ADAMTSL3: variants seen among roughly 807,000 people sequenced by gnomAD.
The protein encoded by ADAMTSL3 is ADAMTS-like protein 3.
Under a neutral mutation model 201.7 loss-of-function variants are expected in ADAMTSL3, and 128 were observed. The ratio of observed to expected loss-of-function variants is 0.63; its 90% confidence interval spans 0.55 to 0.73. The LOEUF is 0.73. ADAMTSL3 is among the 30% of genes least tolerant of loss of function. The pLI is 0.00. For missense variants in ADAMTSL3, 1,990 were observed against 2,119.6 expected (o/e 0.94, Z 1.20); for synonymous variants, 738 against 748.4 (o/e 0.99, Z 0.23).
chr15:83,911,632 T>A (rs1429595290), intron 15 of ADAMTSL3, among the ~76,000 whole-genome samples: 2 of 152,314 alleles, frequency 1.3e-5, no homozygotes, highest in African/African-American at 4.8e-5. Flanking sequence ...TTCAACACAA[T>A]GAACAACATG....
chr15:83,720,223 TA>T (rs2062080495), intron 3 of ADAMTSL3, among the ~76,000 whole-genome samples: 1 of 152,018 alleles, frequency 6.6e-6, no homozygotes, highest in Non-Finnish European at 1.5e-5. Flanking sequence ...TGTCTCATTT[TA>T]AAAAATAAAT....
At chr15:83,850,619 C>T (rs1036415654) in intron 7 of ADAMTSL3, among the ~76,000 whole-genome samples, 1 of 152,000 alleles carries the variant, frequency 6.6e-6, no homozygotes, top group Non-Finnish European at 1.5e-5. Context: ...TTTACATTTG[C>T]TGTCTCTAAT....
intron 15 of ADAMTSL3, among the ~76,000 whole-genome samples, chr15:83,912,272 T>C (rs1197122036): frequency 6.6e-6 from 1 of 152,164 alleles, no homozygotes; most frequent in African/African-American, 2.4e-5. Flanking sequence ...AGACAATAGG[T>C]GGAAAAATGA....
chr15:83,831,958 A>C lies in ADAMTSL3; in HGVS notation c.601-6131A>C, dbSNP rs372031609. Among the ~76,000 whole-genome samples the C allele has an allele frequency of 1.2e-4, 19 of 152,244 alleles. No individual in the cohort carries two copies. The East Asian group carries it at 2.7e-3, about 22-fold the overall frequency. ...TATTGACTGAGAGGTAGAAATATAC[A>C]ATGAATGCAGTGAAGTTCCTGGGCT... On this transcript the variant is annotated intron_variant, in intron 6 of 29. Transcript: ENST00000286744.
intron 2 of ADAMTSL3, among the ~76,000 whole-genome samples, chr15:83,695,070 T>G (rs911357302): frequency 7.3e-5 from 11 of 151,304 alleles, no homozygotes; most frequent in Non-Finnish European, 1.5e-4. Context: ...GGCGTGTGCA[T>G]GTATGTAGTG....
At chr15:83,990,971 A>G in intron 22 of ADAMTSL3, 115 bp from the exon 23 acceptor site, 1 of 1,458,434 alleles carries the variant, frequency 6.9e-7, no homozygotes, top group Non-Finnish European at 9.3e-7. Context: ...TACAGAGAGA[A>G]CCAGGACTCC....
At chr15:83,678,776 CAT>C (rs2061439265) in intron 2 of ADAMTSL3, among the ~76,000 whole-genome samples, 1 of 118,414 alleles carries the variant, frequency 8.4e-6, no homozygotes, top group Non-Finnish European at 1.7e-5. Context: ...ATATATATAA[CAT>C]TAATATATAT....
intron 4 of ADAMTSL3, among the ~76,000 whole-genome samples, chr15:83,787,045 C>G (rs1320079063): frequency 1.3e-5 from 2 of 152,170 alleles, no homozygotes; most frequent in African/African-American, 4.8e-5. Context: ...CAATGCTCTT[C>G]TTTCCGCCTA....
chr15:83,933,578 GC>G (rs2066401742), intron 17 of ADAMTSL3, among the ~76,000 whole-genome samples: 1 of 152,192 alleles, frequency 6.6e-6, no homozygotes, highest in Non-Finnish European at 1.5e-5. Flanking sequence ...AGAAATTCAA[GC>G]CTGCTGCAAA....
At chr15:83,958,200 A>G (rs899630185) in intron 19 of ADAMTSL3, among the ~76,000 whole-genome samples, 1 of 152,142 alleles carries the variant, frequency 6.6e-6, no homozygotes, top group Admixed American at 6.5e-5. Context: ...AAATGATCCT[A>G]CTCTGAGTAG....
intron 6 of ADAMTSL3, among the ~76,000 whole-genome samples, chr15:83,828,338 G>C (rs551967086): frequency 6.6e-6 from 1 of 152,136 alleles, no homozygotes; most frequent in Non-Finnish European, 1.5e-5. Context: ...GTCTGTTATT[G>C]GTGTATAAGA....
intron 2 of ADAMTSL3, among the ~76,000 whole-genome samples, chr15:83,671,045 G>GT (rs72107056): frequency 0.067 from 10,122 of 151,612 alleles, 578 homozygotes; most frequent in East Asian, 0.36. Context: ...ATGATATATT[G>GT]TTTTTTTTAA....
chr15:84,010,391 G>A (rs1232039441), intron 23 of ADAMTSL3, among the ~76,000 whole-genome samples: 2 of 152,268 alleles, frequency 1.3e-5, no homozygotes, highest in African/African-American at 4.8e-5. Flanking sequence ...TTTGCTGCTT[G>A]GAAGAGAGCA....
chr15:83,813,251 C>T (rs904250950), intron 5 of ADAMTSL3, among the ~76,000 whole-genome samples: 2 of 152,140 alleles, frequency 1.3e-5, no homozygotes, highest in African/African-American at 2.4e-5. Flanking sequence ...CTGAAAGAGA[C>T]GCAACTGAAG....
At chr15:83,763,491 C>A (rs1262014627) in intron 3 of ADAMTSL3, among the ~76,000 whole-genome samples, 3 of 150,848 alleles carry the variant, frequency 2.0e-5, no homozygotes, top group Admixed American at 6.6e-5. Flanking sequence ...TATATTTAAA[C>A]CTTAACAAAT....
intron 3 of ADAMTSL3, among the ~76,000 whole-genome samples, chr15:83,712,124 T>G (rs2061941741): frequency 6.6e-6 from 1 of 152,196 alleles, no homozygotes; most frequent in African/African-American, 2.4e-5. Flanking sequence ...GAGATGAGGT[T>G]GTTTTGAGCA....
chr15:84,002,134 G>C (rs1201348184), intron 23 of ADAMTSL3, among the ~76,000 whole-genome samples: 1 of 152,068 alleles, frequency 6.6e-6, no homozygotes, highest in African/African-American at 2.4e-5. Flanking sequence ...TTCTCATGTG[G>C]TGAAAACATG....
intron 3 of ADAMTSL3, among the ~76,000 whole-genome samples, chr15:83,711,524 T>C (rs57372822): frequency 0.094 from 14,339 of 152,304 alleles, 858 homozygotes; most frequent in East Asian, 0.28. Context: ...CATTCCTTTG[T>C]TAGTAAGTAA....
intron 4 of ADAMTSL3, among the ~76,000 whole-genome samples, chr15:83,780,703 C>T (rs955448739): frequency 3.9e-5 from 6 of 152,154 alleles, no homozygotes; most frequent in Non-Finnish European, 5.9e-5. Context: ...TATCCTATAT[C>T]TGGAAAACCC....
Sources: gnomAD v4.1 joint callset for allele counts (sites outside exome capture counted in the v4.1 genomes callset) on GRCh38, gnomAD v4.1.1 for gene constraint, MANE v1.5 for transcripts, NCBI Gene and HGNC (gene_info 2026-07-23, HGNC 2026-07-21) for gene names.